PCDH15: variants seen among roughly 807,000 people sequenced by gnomAD.
PCDH15 encodes protocadherin related 15.
In PCDH15, 129 loss-of-function variants were observed where a neutral mutation model predicts 178.5. That is an observed-to-expected ratio of 0.72 (90% CI 0.63 to 0.84). The LOEUF is 0.84. Among genes scored for constraint, PCDH15 ranks in the 40% least tolerant of loss-of-function variants. The pLI is 0.00. For missense variants in PCDH15, 2,230 were observed against 2,099.9 expected (o/e 1.06, Z -1.21); for synonymous variants, 800 against 732.0 (o/e 1.09, Z -1.50).
intron 2 of PCDH15, among the ~76,000 whole-genome samples, chr10:55,075,520 C>A (rs146956003): frequency 2.2e-4 from 33 of 151,838 alleles, no homozygotes; most frequent in African/African-American, 8.0e-4. Flanking sequence ...CATGTGCCAC[C>A]GTGTCCAGCT....
chr10:54,765,890 A>G (rs933060386), intron 1 of PCDH15, among the ~76,000 whole-genome samples: 2 of 152,166 alleles, frequency 1.3e-5, no homozygotes, highest in Admixed American at 6.5e-5. Flanking sequence ...AGAGAAGGTT[A>G]TGTTCACATT....
In PCDH15 at chr10:54,373,260, T is replaced by C. The variant is rs141735201; in HGVS notation, c.319-3985A>G. ...ATTTTTCATAAAGTATAGGCAAAGTTTGTCTAATTCTCAGGAGTGAATTTT... is the reference window on the plus strand; with the variant it reads ...ATTTTTCATAAAGTATAGGCAAAGTCTGTCTAATTCTCAGGAGTGAATTTT... On this transcript the variant is annotated intron_variant, in intron 4 of 37. Transcript: ENST00000644397. Among the ~76,000 whole-genome samples the C allele has an allele frequency of 1.6e-3, 226 of 140,058 alleles. 1 individual carries two copies. Among genetic ancestry groups the C allele is most frequent in the African/African-American group, 5.6e-3 (219 of 39,334 alleles). The allele number at this position is 140,058 out of a possible 152,430, so 91.9% of individuals were successfully genotyped here.
At chr10:55,215,375 G>A (rs2132175953) in intron 1 of PCDH15, among the ~76,000 whole-genome samples, 1 of 152,170 alleles carries the variant, frequency 6.6e-6, no homozygotes, top group Non-Finnish European at 1.5e-5. Context: ...TTATGCATTT[G>A]TACAGTGGGC....
intron 2 of PCDH15, among the ~76,000 whole-genome samples, chr10:54,909,924 AGGGGAAGGCTCTGGG>A (rs1954790669): frequency 6.6e-6 from 1 of 152,090 alleles, no homozygotes; most frequent in Admixed American, 6.6e-5. Flanking sequence ...GGGGGGTCTC[AGGGGAAGGCTCTGGG>A]GACTGTCCTT....
At chr10:55,218,699 C>G (rs1214415229) in intron 1 of PCDH15, among the ~76,000 whole-genome samples, 1 of 151,954 alleles carries the variant, frequency 6.6e-6, no homozygotes. Context: ...TTTGCTTTTC[C>G]TGATGGATTT....
chr10:53,972,570 A>C (rs993067532), intron 21 of PCDH15, among the ~76,000 whole-genome samples: 3 of 152,242 alleles, frequency 2.0e-5, no homozygotes, highest in African/African-American at 7.2e-5. Flanking sequence ...CAGAATCTAC[A>C]AAGAACTTAA....
intron 2 of PCDH15, among the ~76,000 whole-genome samples, chr10:55,582,402 A>G (rs1223856428): frequency 6.6e-6 from 1 of 151,988 alleles, no homozygotes; most frequent in Non-Finnish European, 1.5e-5. Flanking sequence ...TATAAAAGAA[A>G]GGTCTATATG....
intron 2 of PCDH15, among the ~76,000 whole-genome samples, chr10:55,444,284 T>TAA (rs76682014): frequency 9.6e-4 from 140 of 146,414 alleles, no homozygotes; most frequent in Middle Eastern, 3.5e-3. Context: ...AAAGTGTAAT[T>TAA]AAAAAAAAAA....
At chr10:55,056,610 TTTATTA>T (rs60186759) in intron 2 of PCDH15, among the ~76,000 whole-genome samples, 18,818 of 142,862 alleles carry the variant, frequency 0.13, 1,436 homozygotes, top group Middle Eastern at 0.22. Context: ...TTTATTTTGT[TTTATTA>T]TTATTATTAT....
chr10:54,863,843 C>T (rs1367344800), intron 3 of PCDH15, among the ~76,000 whole-genome samples: 1 of 152,108 alleles, frequency 6.6e-6, no homozygotes, highest in Non-Finnish European at 1.5e-5. Context: ...GACTGGATTG[C>T]AGGATGTAAC....
chr10:54,923,266 G>A (rs1288859472), intron 2 of PCDH15, among the ~76,000 whole-genome samples: 2 of 138,494 alleles, frequency 1.4e-5, no homozygotes, highest in African/African-American at 5.0e-5. Context: ...CCTGGGTCTA[G>A]CCCATGAAAC....
intron 3 of PCDH15, among the ~76,000 whole-genome samples, chr10:54,470,686 T>C (rs1159281652): frequency 1.3e-5 from 2 of 152,150 alleles, no homozygotes; most frequent in Non-Finnish European, 2.9e-5. Flanking sequence ...GGGGAGCATT[T>C]GCTTACTCTT....
intron 11 of PCDH15, among the ~76,000 whole-genome samples, chr10:54,194,678 A>G (rs868243563): frequency 2.7e-5 from 4 of 150,424 alleles, no homozygotes; most frequent in African/African-American, 9.9e-5. Context: ...CTATCTATCT[A>G]TCTATCTATC....
intron 3 of PCDH15, among the ~76,000 whole-genome samples, chr10:54,451,409 C>G (rs2076472152): frequency 6.6e-6 from 1 of 151,864 alleles, no homozygotes; most frequent in Non-Finnish European, 1.5e-5. Flanking sequence ...TGAGTCTGAA[C>G]AACAGATGTT....
chr10:53,980,005 G>A (rs1484015936), intron 21 of PCDH15, among the ~76,000 whole-genome samples: 1 of 152,146 alleles, frequency 6.6e-6, no homozygotes, highest in Non-Finnish European at 1.5e-5. Flanking sequence ...GATCACCTGA[G>A]GTCAAGAGTT....
intron 1 of PCDH15, among the ~76,000 whole-genome samples, chr10:55,316,390 A>G (rs931770594): frequency 2.0e-5 from 3 of 152,208 alleles, no homozygotes; most frequent in African/African-American, 7.2e-5. Context: ...TATAAATCTT[A>G]ACATTCATAA....
chr10:54,847,015 GA>G (rs1316246132), intron 3 of PCDH15, among the ~76,000 whole-genome samples: 1 of 152,086 alleles, frequency 6.6e-6, no homozygotes, highest in African/African-American at 2.4e-5. Flanking sequence ...ATAATTTTGT[GA>G]AAAGTTAATT....
chr10:55,364,106 C>T (rs547407668), intron 2 of PCDH15, among the ~76,000 whole-genome samples: 1 of 152,084 alleles, frequency 6.6e-6, no homozygotes, highest in Non-Finnish European at 1.5e-5. Context: ...TTATAAGGGG[C>T]TCTCCCCACT....
chr10:53,950,172 T>C (rs1321227628), intron 23 of PCDH15, among the ~76,000 whole-genome samples: 3 of 151,978 alleles, frequency 2.0e-5, no homozygotes, highest in Non-Finnish European at 4.4e-5. Context: ...ATTTTGAATT[T>C]GATATATTAA....
Sources: gnomAD v4.1 joint callset for allele counts (sites outside exome capture counted in the v4.1 genomes callset) on GRCh38, gnomAD v4.1.1 for gene constraint, MANE v1.5 for transcripts, NCBI Gene and HGNC (gene_info 2026-07-23, HGNC 2026-07-21) for gene names.